The following HORMAD2 variants were observed in gnomAD, a reference collection of about 807,000 sequenced individuals.
HORMAD2 encodes HORMA domain containing 2, also known as HORMA domain-containing protein 2.
Under a neutral mutation model 38.8 loss-of-function variants are expected in HORMAD2, and 45 were observed. The observed-to-expected ratio is 1.16, with a 90% CI of 0.91 to 1.49. HORMAD2 has a LOEUF of 1.49. HORMAD2 is among the 40% of genes most tolerant of loss of function. The pLI is 0.00. For missense variants in HORMAD2, 338 were observed against 367.0 expected, an observed-to-expected ratio of 0.92 and a Z score of 0.65; for synonymous variants, 126 against 122.8, an observed-to-expected ratio of 1.03 and a Z score of -0.17.
At chr22:30,110,009 T>G (rs1921503679) in intron 5 of HORMAD2, among the ~76,000 whole-genome samples, 1 of 152,144 alleles carries the variant, frequency 6.6e-6, no homozygotes, top group African/African-American at 2.4e-5. Context: ...CCTCCATGTA[T>G]CAGAGCATTC....
chr22:30,134,417 T>TATAAATATAAATAAATATATATATA (rs1923511834), intron 10 of HORMAD2, among the ~76,000 whole-genome samples: 1 of 147,354 alleles, frequency 6.8e-6, no homozygotes, highest in Admixed American at 6.8e-5. Flanking sequence ...ATATATATAT[T>TATAAATATAAATAAATATATATATA]TATGATTATA....
chr22:30,172,097 C>T (rs544071691), intron 10 of HORMAD2, among the ~76,000 whole-genome samples: 70 of 152,144 alleles, frequency 4.6e-4, no homozygotes, highest in Non-Finnish European at 8.7e-4. Context: ...TAGCTTTCAT[C>T]AGGGTCTGTG....
chr22:30,149,253 T>C (rs1165330441), intron 10 of HORMAD2, among the ~76,000 whole-genome samples: 1 of 152,246 alleles, frequency 6.6e-6, no homozygotes, highest in African/African-American at 2.4e-5. Flanking sequence ...TCTTTACTTA[T>C]TCCTAAATCA....
intron 10 of HORMAD2, among the ~76,000 whole-genome samples, chr22:30,172,140 ATGTC>A (rs1233206035): frequency 6.6e-6 from 1 of 152,138 alleles, no homozygotes; most frequent in African/African-American, 2.4e-5. Context: ...GTAAAGAACT[ATGTC>A]TGGGGTATGA....
In HORMAD2 at chr22:30,142,888, A is replaced by G. The variant is rs5763806; in HGVS notation, c.819+20674A>G. On this transcript the variant is annotated intron_variant, in intron 10 of 10. Transcript: ENST00000336726. ...ATCATGCACATCCTAACTTATCAGA[A>G]TCAGTTTCAGGTTTATGCTAGCTTA... Among the ~76,000 whole-genome samples the G allele has an allele frequency of 9.3e-4, 141 of 152,208 alleles. 1 individual carries two copies. The East Asian group carries it at 0.016, about 17-fold the overall frequency.
At chr22:30,087,128 T>C (rs2068584456) in intron 1 of HORMAD2, among the ~76,000 whole-genome samples, 1 of 152,176 alleles carries the variant, frequency 6.6e-6, no homozygotes, top group Non-Finnish European at 1.5e-5. Flanking sequence ...CCCAAAGTCC[T>C]GGGATTACAG....
At chr22:30,122,457 G>T (rs1284138162) in intron 10 of HORMAD2, among the ~76,000 whole-genome samples, 1 of 152,020 alleles carries the variant, frequency 6.6e-6, no homozygotes, top group African/African-American at 2.4e-5. Flanking sequence ...TTTTATTAAA[G>T]ATATCATAAA....
chr22:30,159,608 A>G (rs1057120606), intron 10 of HORMAD2, among the ~76,000 whole-genome samples: 7 of 152,226 alleles, frequency 4.6e-5, no homozygotes, highest in Admixed American at 1.3e-4. Flanking sequence ...CAGGGTTGCC[A>G]TGCATGACTG....
intron 10 of HORMAD2, among the ~76,000 whole-genome samples, chr22:30,167,614 A>G (rs1374767298): frequency 2.0e-5 from 3 of 152,178 alleles, no homozygotes; most frequent in Non-Finnish European, 4.4e-5. Context: ...GATGACTAGG[A>G]AATGATGATT....
chr22:30,129,262 AG>A (rs1169182259), intron 10 of HORMAD2, among the ~76,000 whole-genome samples: 5 of 137,750 alleles, frequency 3.6e-5, no homozygotes, highest in Non-Finnish European at 7.8e-5. Flanking sequence ...AAAAAGAGAG[AG>A]AGAGAATAAA....
At chr22:30,100,244 C>T (rs899669957) in intron 3 of HORMAD2, among the ~76,000 whole-genome samples, 2 of 152,116 alleles carry the variant, frequency 1.3e-5, no homozygotes, top group African/African-American at 4.8e-5. Flanking sequence ...GATATATAGA[C>T]CAATGGAACA....
At chr22:30,133,057 A>C (rs1292165851) in intron 10 of HORMAD2, among the ~76,000 whole-genome samples, 2 of 152,216 alleles carry the variant, frequency 1.3e-5, no homozygotes, top group African/African-American at 4.8e-5. Flanking sequence ...TTATCATTAC[A>C]CCAAAATCAA....
At chr22:30,124,482 A>G (rs1922697405) in intron 10 of HORMAD2, among the ~76,000 whole-genome samples, 1 of 152,182 alleles carries the variant, frequency 6.6e-6, no homozygotes, top group African/African-American at 2.4e-5. Context: ...TCCCTTCCTC[A>G]TTGCACGCCC....
chr22:30,202,634 G>A, the HORMAD2 span, among the ~76,000 whole-genome samples: 4 of 152,010 alleles, frequency 2.6e-5, no homozygotes, highest in Non-Finnish European at 2.9e-5. Context: ...CCTGAGTAAC[G>A]AAGCTCAACA....
At chr22:30,137,557 GAA>G (rs1923754492) in intron 10 of HORMAD2, 1 of 153,124 alleles carries the variant, frequency 6.5e-6, no homozygotes, top group African/African-American at 2.4e-5. Flanking sequence ...GAGACAGAGA[GAA>G]ATAAAAAATG....
At chr22:30,167,523 T>C (rs1299104838) in intron 10 of HORMAD2, among the ~76,000 whole-genome samples, 1 of 152,194 alleles carries the variant, frequency 6.6e-6, no homozygotes, top group Non-Finnish European at 1.5e-5. Flanking sequence ...CTATCTGTGC[T>C]ATTCCATTTA....
At chr22:30,193,618 A>C in the HORMAD2 span, among the ~76,000 whole-genome samples, 12 of 152,298 alleles carry the variant, frequency 7.9e-5, no homozygotes, top group South Asian at 2.5e-3. Flanking sequence ...TCCAAGCAGG[A>C]CAGTGAGTGC....
chr22:30,200,747 T>TATTATTATG, the HORMAD2 span, among the ~76,000 whole-genome samples: 3 of 148,282 alleles, frequency 2.0e-5, no homozygotes, highest in South Asian at 6.4e-4. Context: ...TTATTATTAT[T>TATTATTATG]ATTATTATTA....
chr22:30,100,759 A>G (rs1484656420), intron 3 of HORMAD2, among the ~76,000 whole-genome samples: 1 of 152,236 alleles, frequency 6.6e-6, no homozygotes, highest in African/African-American at 2.4e-5. Flanking sequence ...AACCCCATCA[A>G]AAAGTGGGCA....
Sources: allele counts gnomAD v4.1 joint callset (sites outside exome capture counted in the v4.1 genomes callset), GRCh38; gene constraint gnomAD v4.1.1; transcripts MANE v1.5; gene names NCBI Gene and HGNC (gene_info 2026-07-23, HGNC 2026-07-21).